Variants in SLC35D4 observed in about 807,000 individuals in gnomAD.
The protein encoded by SLC35D4 is UDP-N-acetylglucosamine transporter SLC35D4.
the SLC35D4 span, among the ~76,000 whole-genome samples, chr18:23,261,432 G>A: frequency 5.3e-5 from 8 of 152,008 alleles, no homozygotes; most frequent in Non-Finnish European, 1.0e-4. Flanking sequence ...CACCAGCCTG[G>A]GCAACATGGC....
chr18:23,246,558 A>AT, the SLC35D4 span, among the ~76,000 whole-genome samples: 5 of 151,568 alleles, frequency 3.3e-5, no homozygotes, highest in Middle Eastern at 3.2e-3. Flanking sequence ...CACCCGGCTA[A>AT]TTTTTTGTGT....
At chr18:23,293,868 T>C in the SLC35D4 span, among the ~76,000 whole-genome samples, 1 of 152,232 alleles carries the variant, frequency 6.6e-6, no homozygotes, top group African/African-American at 2.4e-5. Flanking sequence ...TCATGGCTCA[T>C]TGCAACCTTG....
chr18:23,388,214 T>C, the SLC35D4 span, among the ~76,000 whole-genome samples: 2 of 152,252 alleles, frequency 1.3e-5, no homozygotes, highest in Non-Finnish European at 2.9e-5. Context: ...TCAATCTTCC[T>C]AGGCCCTTAC....
the SLC35D4 span, among the ~76,000 whole-genome samples, chr18:23,378,207 T>C: frequency 6.6e-6 from 1 of 151,696 alleles, no homozygotes; most frequent in African/African-American, 2.4e-5. Flanking sequence ...TTCTTTTTTT[T>C]TTTTTCATTT....
chr18:23,280,711 G>A, the SLC35D4 span, among the ~76,000 whole-genome samples: 1 of 151,914 alleles, frequency 6.6e-6, no homozygotes, highest in African/African-American at 2.4e-5. Flanking sequence ...ATTCCCCAAA[G>A]CACAGGCCAC....
the SLC35D4 span, among the ~76,000 whole-genome samples, chr18:23,421,657 A>G: frequency 2.7e-5 from 4 of 148,450 alleles, no homozygotes; most frequent in South Asian, 2.1e-4. Flanking sequence ...AAGTACTGAC[A>G]TTGACATTCT....
chr18:23,278,942 G>A, the SLC35D4 span, among the ~76,000 whole-genome samples: 1 of 150,806 alleles, frequency 6.6e-6, no homozygotes, highest in Admixed American at 6.6e-5. Flanking sequence ...GAGCCTGGGA[G>A]TTTGAGGCTG....
the SLC35D4 span, among the ~76,000 whole-genome samples, chr18:23,277,126 T>C: frequency 3.9e-5 from 6 of 152,170 alleles, no homozygotes; most frequent in Non-Finnish European, 8.8e-5. Context: ...GGCTGGCTGG[T>C]CTAGGATGGT....
At chr18:23,290,684 T>C in the SLC35D4 span, among the ~76,000 whole-genome samples, 1,431 of 151,800 alleles carry the variant, frequency 9.4e-3, 24 homozygotes, top group African/African-American at 0.033. Flanking sequence ...TGGAGTGCAA[T>C]GGCGCATCCT....
the SLC35D4 span, among the ~76,000 whole-genome samples, chr18:23,351,528 C>T: frequency 3.9e-5 from 6 of 151,906 alleles, no homozygotes; most frequent in Non-Finnish European, 8.8e-5. Flanking sequence ...AACTTCAACC[C>T]ATAAAACACA....
At chr18:23,284,497 C>T in the SLC35D4 span, among the ~76,000 whole-genome samples, 3 of 152,300 alleles carry the variant, frequency 2.0e-5, 1 homozygote, top group East Asian at 1.9e-4. Context: ...GTCCCTGCTC[C>T]GAGTTGTCCT....
At chr18:23,430,815 C>A in the SLC35D4 span, 1 of 768,918 alleles carries the variant, frequency 1.3e-6, no homozygotes, top group South Asian at 1.8e-5. Flanking sequence ...ATTATTCCCA[C>A]CAAAATCACA....
At chr18:23,265,262 A>G in the SLC35D4 span, among the ~76,000 whole-genome samples, 1 of 152,020 alleles carries the variant, frequency 6.6e-6, no homozygotes, top group Admixed American at 6.6e-5. Flanking sequence ...TGTGTGTTCC[A>G]CGGCCCAGCC....
chr18:23,336,041 G>GA, the SLC35D4 span, among the ~76,000 whole-genome samples: 121 of 150,426 alleles, frequency 8.0e-4, 1 homozygote, highest in Middle Eastern at 6.8e-3. Context: ...AAATAGCTCG[G>GA]AAAAAATGAA....
the SLC35D4 span, among the ~76,000 whole-genome samples, chr18:23,396,152 C>A: frequency 1.2e-3 from 184 of 152,270 alleles, no homozygotes; most frequent in Admixed American, 3.4e-3. Context: ...GAGCTTTTCC[C>A]ATAGCATCTG....
At chr18:23,290,793 ATTTT>A in the SLC35D4 span, among the ~76,000 whole-genome samples, 3 of 143,720 alleles carry the variant, frequency 2.1e-5, no homozygotes, top group African/African-American at 7.7e-5. Flanking sequence ...CACCCTGCTA[ATTTT>A]TTTTTTTTTT....
At chr18:23,386,887 G>T in the SLC35D4 span, among the ~76,000 whole-genome samples, 770 of 152,238 alleles carry the variant, frequency 5.1e-3, 10 homozygotes, top group African/African-American at 0.018. Flanking sequence ...AGAATGAGGA[G>T]GAGAGGAATT....
At chr18:23,352,322 G>A in the SLC35D4 span, 1 of 1,575,054 alleles carries the variant, frequency 6.3e-7, no homozygotes, top group Non-Finnish European at 8.6e-7. Flanking sequence ...TGTTAGTGAG[G>A]CTTGTCTTCC....
the SLC35D4 span, among the ~76,000 whole-genome samples, chr18:23,332,213 T>A: frequency 0.42 from 64,003 of 151,366 alleles, 13,603 homozygotes; most frequent in Middle Eastern, 0.44. Flanking sequence ...GTATTTTTTT[T>A]AAAAAAATAA....
Sources: gnomAD v4.1 joint callset for allele counts (sites outside exome capture counted in the v4.1 genomes callset) on GRCh38, gnomAD v4.1.1 for gene constraint, MANE v1.5 for transcripts, NCBI Gene and HGNC (gene_info 2026-07-23, HGNC 2026-07-21) for gene names.